The following DCLRE1C variants were observed in gnomAD, a reference collection of about 807,000 sequenced individuals.
DCLRE1C encodes the protein protein artemis.
DCLRE1C carries 47 observed loss-of-function variants against 61.4 expected under a neutral mutation model. The observed-to-expected ratio is 0.77, with a 90% CI of 0.61 to 0.98. The LOEUF (loss-of-function observed/expected upper bound fraction) is 0.98. DCLRE1C is among the 50% of genes least tolerant of loss of function. The pLI is 0.00. For synonymous variants in DCLRE1C, 337 were observed against 287.6 expected, an observed-to-expected ratio of 1.17 and a Z score of -1.74; for missense variants, 858 against 816.0, an observed-to-expected ratio of 1.05 and a Z score of -0.63.
At chr10:14,937,893 C>CAAAAAAAAAA (rs749452841) in intron 4 of DCLRE1C, among the ~76,000 whole-genome samples, 1 of 40,638 alleles carries the variant, frequency 2.5e-5, no homozygotes, top group Non-Finnish European at 5.2e-5. Context: ...GGCTCAGTCT[C>CAAAAAAAAAA]AAAAAAAAAA....
chr10:14,929,998 T>C (rs913562881), intron 9 of DCLRE1C, among the ~76,000 whole-genome samples: 1 of 152,206 alleles, frequency 6.6e-6, no homozygotes. Flanking sequence ...CTAACTAAGC[T>C]ACTTTGTGGG....
At chr10:14,909,945 A>C (rs1037763608) in intron 13 of DCLRE1C, among the ~76,000 whole-genome samples, 1 of 152,248 alleles carries the variant, frequency 6.6e-6, no homozygotes, top group African/African-American at 2.4e-5. Flanking sequence ...TGTGTCAACA[A>C]ATGTTCTTAA....
Position 14,935,506 on chromosome 10 carries a change from G to T in DCLRE1C, c.421C>A (p.Gln141Lys), listed in dbSNP as rs779468772. 1 of 1,614,016 alleles carries T rather than the reference G, an allele frequency of 6.2e-7. No homozygotes were observed. Among genetic ancestry groups the T allele is most frequent in the Non-Finnish European group, 8.5e-7 (1 of 1,179,964 alleles). ...AGCTCCATTCTAGCAGCTTCTCCTTGCGCCAATCTGAAGTCTCCTGTGTAC... is the reference window on the plus strand; with the variant it reads ...AGCTCCATTCTAGCAGCTTCTCCTTTCGCCAATCTGAAGTCTCCTGTGTAC... The part of the protein sequence containing the change: ...VLYTGDFRLA[Q>K]GEAARMELLH... The change falls in exon 6 of 14, where the codon CAA (glutamine) becomes AAA (lysine). Residue 141 changes from glutamine to lysine, a missense_variant. Transcript: ENST00000378278.
downstream of DCLRE1C, chr10:14,904,315 A>ATTTTTT (rs35999949): frequency 1.7e-4 from 13 of 77,758 alleles, no homozygotes; most frequent in Non-Finnish European, 2.5e-4. Flanking sequence ...AAAAAAAAAA[A>ATTTTTT]TTTTTTTTTT....
rs60272216 is a variant in DCLRE1C at position 14,951,389 on chromosome 10, C to CAAAAAAAAAAA, written c.110-2313_110-2303dup. On this transcript the variant is annotated intron_variant, in intron 1 of 13. Coordinates refer to ENST00000378278, the MANE Select transcript of DCLRE1C (RefSeq NM_001033855.3). ...TGGGTGACAGAGCAAAACCCTGTCT[C>CAAAAAAAAAAA]AAAAAAAAAAAAAAAAAAAAAAAAA... Among the ~76,000 whole-genome samples the CAAAAAAAAAAA allele has an allele frequency of 4.8e-4, 22 of 46,060 alleles. 1 individual carries two copies. Among genetic ancestry groups the CAAAAAAAAAAA allele is most frequent in the Non-Finnish European group, 7.9e-4 (19 of 23,952 alleles). The allele number at this position is 46,060 out of a possible 152,430, so 30.2% of individuals were successfully genotyped here.
At chr10:14,897,651 A>G (rs1833679065) in exon 14 of DCLRE1C, 1 of 778,326 alleles carries the variant, frequency 1.3e-6, no homozygotes, top group Admixed American at 3.9e-5. Flanking sequence ...AAATTTATTC[A>G]GATTTAGGAG....
chr10:14,913,056 C>A (rs745982186), intron 13 of DCLRE1C, among the ~76,000 whole-genome samples: 1 of 151,460 alleles, frequency 6.6e-6, no homozygotes, highest in Non-Finnish European at 1.5e-5. Context: ...GGGGTTTCAC[C>A]GTGTTAGCCA....
At chr10:14,938,341 A>T (rs1018611456) in intron 4 of DCLRE1C, among the ~76,000 whole-genome samples, 6 of 146,604 alleles carry the variant, frequency 4.1e-5, no homozygotes, top group Non-Finnish European at 7.5e-5. Flanking sequence ...ACAAAGGTTC[A>T]CCTATTTTTT....
At chr10:14,899,516 T>C (rs1833849255) in intron 13 of DCLRE1C, 14 of 1,612,694 alleles carry the variant, frequency 8.7e-6, no homozygotes, top group Non-Finnish European at 1.2e-5. Flanking sequence ...CTACGTAATA[T>C]ACTTACAGTT....
At chr10:14,941,474 A>G (rs1488289825) in intron 3 of DCLRE1C, among the ~76,000 whole-genome samples, 24 of 152,126 alleles carry the variant, frequency 1.6e-4, no homozygotes, top group Admixed American at 1.6e-3. Flanking sequence ...TTTTGTAGAC[A>G]TGGGGTTTTG....
At chr10:14,923,688 T>C (rs1010664) in intron 11 of DCLRE1C, 6,936 of 154,182 alleles carry the variant, frequency 0.045, 189 homozygotes, top group Admixed American at 0.073. Flanking sequence ...CAATAATCAT[T>C]AACGATGCCA....
intron 1 of DCLRE1C, 113 bp downstream of exon 1, chr10:14,953,789 C>T: frequency 6.7e-7 from 1 of 1,481,800 alleles, no homozygotes; most frequent in Non-Finnish European, 9.2e-7. Context: ...GTGCTGGCCG[C>T]CCCCTCGCTG....
intron 13 of DCLRE1C, among the ~76,000 whole-genome samples, chr10:14,919,327 T>C (rs939249824): frequency 1.3e-5 from 2 of 152,026 alleles, no homozygotes; most frequent in African/African-American, 4.8e-5. Flanking sequence ...ATCAACTTGA[T>C]CAGAAATGAT....
chr10:14,951,382 C>T (rs534434178), intron 1 of DCLRE1C, among the ~76,000 whole-genome samples: 2 of 87,608 alleles, frequency 2.3e-5, no homozygotes, highest in Admixed American at 1.7e-4. Context: ...AGAGCAAAAC[C>T]CTGTCTCAAA....
chr10:14,913,409 G>T (rs900079028), intron 13 of DCLRE1C, among the ~76,000 whole-genome samples: 1 of 152,128 alleles, frequency 6.6e-6, no homozygotes, highest in African/African-American at 2.4e-5. Context: ...CTTCAATAAA[G>T]CTTAAAAAAT....
chr10:14,928,179 A>G (rs1838339651), intron 9 of DCLRE1C, 27 bp from the exon 10 acceptor site: 1 of 1,607,122 alleles, frequency 6.2e-7, no homozygotes, highest in African/African-American at 1.3e-5. Context: ...GCATAGAAAA[A>G]CAGTTCTACA....
At chr10:14,917,491 A>C (rs998643470) in intron 13 of DCLRE1C, among the ~76,000 whole-genome samples, 3 of 151,888 alleles carry the variant, frequency 2.0e-5, no homozygotes, top group African/African-American at 7.3e-5. Flanking sequence ...ATATTTAAAA[A>C]AAAAAAACAA....
At chr10:14,914,091 A>G (rs1835760734) in intron 13 of DCLRE1C, among the ~76,000 whole-genome samples, 1 of 152,222 alleles carries the variant, frequency 6.6e-6, no homozygotes, top group African/African-American at 2.4e-5. Context: ...TAAGCACTGC[A>G]ATTAAAAGCC....
chr10:14,941,729 T>A (rs1840893350), intron 3 of DCLRE1C, among the ~76,000 whole-genome samples: 1 of 152,202 alleles, frequency 6.6e-6, no homozygotes, highest in Non-Finnish European at 1.5e-5. Flanking sequence ...CATCATTGCC[T>A]TCTTTTGTGA....
Sources: gnomAD v4.1 joint callset for allele counts (sites outside exome capture counted in the v4.1 genomes callset) on GRCh38, gnomAD v4.1.1 for gene constraint, MANE v1.5 for transcripts, NCBI Gene and HGNC (gene_info 2026-07-23, HGNC 2026-07-21) for gene names.